The following PDE7A variants were observed in gnomAD, a reference collection of about 807,000 sequenced individuals.
The protein encoded by PDE7A is phosphodiesterase 7A, also known as high affinity 3',5'-cyclic-AMP phosphodiesterase 7A.
A neutral mutation model predicts 64.3 loss-of-function variants in PDE7A; 39 were observed. The ratio of observed to expected loss-of-function variants is 0.61; its 90% confidence interval spans 0.47 to 0.79. The LOEUF is 0.79. Ranked by LOEUF, PDE7A falls within the 30% of genes least tolerant of loss-of-function variation. PDE7A has a pLI of 0.00. For missense variants in PDE7A, 470 were observed against 582.8 expected (o/e 0.81, Z 1.99); for synonymous variants, 203 against 206.8 (o/e 0.98, Z 0.16).
chr8:65,796,712 C>G (rs1283730843), intron 1 of PDE7A, among the ~76,000 whole-genome samples: 1 of 151,990 alleles, frequency 6.6e-6, no homozygotes, highest in African/African-American at 2.4e-5. Flanking sequence ...TAAAGGACAT[C>G]TATTAAAAAA....
chr8:65,755,181 C>T (rs955471996), intron 3 of PDE7A, among the ~76,000 whole-genome samples: 11 of 151,406 alleles, frequency 7.3e-5, no homozygotes, highest in African/African-American at 9.7e-5. Flanking sequence ...CCACCACGCC[C>T]GGCTAATTTT....
rs1806127818 is a variant in PDE7A, at chr8:65,716,060, A to T, written c.*3230T>A. On this transcript the variant is annotated 3_prime_UTR_variant, in exon 13 of 13. Transcript: ENST00000401827. ...TGGTGTGGTGGCACTCAGGAGGCTGAGGTGGGAGGATTGCTTGAGCCTAGG... is the reference window on the plus strand; with the variant it reads ...TGGTGTGGTGGCACTCAGGAGGCTGTGGTGGGAGGATTGCTTGAGCCTAGG... Among the ~76,000 whole-genome samples the T allele has an allele frequency of 7.5e-6, 1 of 133,470 alleles. No individual in the cohort carries two copies. The highest frequency in any genetic ancestry group is 1.6e-5 in the Non-Finnish European group (1 of 63,664). The allele number at this position is 133,470 out of a possible 152,430, so 87.6% of individuals were successfully genotyped here.
At chr8:65,799,345 A>G (rs1181898124) in intron 1 of PDE7A, among the ~76,000 whole-genome samples, 1 of 152,160 alleles carries the variant, frequency 6.6e-6, no homozygotes, top group East Asian at 1.9e-4. Flanking sequence ...GAGGGTTGAG[A>G]CCACAGGAGT....
chr8:65,814,235 G>C (rs946877227), intron 1 of PDE7A, among the ~76,000 whole-genome samples: 8 of 152,150 alleles, frequency 5.3e-5, no homozygotes, highest in African/African-American at 1.7e-4. Context: ...CTTTCGGCCG[G>C]GCGCGGTGGC....
At chr8:65,784,799 G>T (rs1809502784) in intron 1 of PDE7A, among the ~76,000 whole-genome samples, 1 of 151,662 alleles carries the variant, frequency 6.6e-6, no homozygotes, top group African/African-American at 2.4e-5. Flanking sequence ...AAACAGGTAG[G>T]ACATAAATAT....
chr8:65,802,521 C>T (rs1329958780), intron 1 of PDE7A, among the ~76,000 whole-genome samples: 1 of 152,158 alleles, frequency 6.6e-6, no homozygotes, highest in Non-Finnish European at 1.5e-5. Flanking sequence ...TTTACTCTTC[C>T]TAACTACGGA....
At chr8:65,816,727 C>T (rs563724070) in intron 1 of PDE7A, among the ~76,000 whole-genome samples, 4 of 152,234 alleles carry the variant, frequency 2.6e-5, no homozygotes, top group African/African-American at 9.6e-5. Context: ...ATTGCTGATG[C>T]TTCCCTCTTG....
chr8:65,775,596 T>C (rs897490847), intron 3 of PDE7A, among the ~76,000 whole-genome samples: 1 of 152,238 alleles, frequency 6.6e-6, no homozygotes, highest in Non-Finnish European at 1.5e-5. Flanking sequence ...CTAGTATCAG[T>C]GATCCTACGT....
At position 65,740,762 on chromosome 8, in the gene PDE7A, A is replaced by G. The variant is rs923551101; in HGVS notation, c.500-1165T>C. ...CCTCCTCAGAGATATTCCTTGTTCTATCAGGTACAACTATCCCCACCCCAC... is the reference window on the plus strand; with the variant it reads ...CCTCCTCAGAGATATTCCTTGTTCTGTCAGGTACAACTATCCCCACCCCAC... On this transcript the variant is annotated intron_variant, in intron 5 of 12. Coordinates refer to ENST00000401827, the MANE Select transcript of PDE7A (RefSeq NM_001242318.3). Among the ~76,000 whole-genome samples, 6 of 152,210 alleles carry G rather than the reference A, an allele frequency of 3.9e-5. No homozygotes were observed. In the East Asian group the frequency reaches 1.2e-3, roughly 29 times the overall value.
chr8:65,729,726 CTTTT>C (rs34749293), intron 7 of PDE7A, among the ~76,000 whole-genome samples: 1 of 140,734 alleles, frequency 7.1e-6, no homozygotes, highest in Non-Finnish European at 1.6e-5. Flanking sequence ...CCATGCCTGA[CTTTT>C]TTTTTTTTTT....
chr8:65,729,136 GACA>G (rs1304846590), intron 7 of PDE7A, among the ~76,000 whole-genome samples: 2 of 151,780 alleles, frequency 1.3e-5, no homozygotes, highest in Non-Finnish European at 2.9e-5. Context: ...GTTAAGAGCT[GACA>G]ACAAAGAAAT....
intron 1 of PDE7A, among the ~76,000 whole-genome samples, chr8:65,783,943 A>G (rs1809483246): frequency 6.6e-6 from 1 of 152,228 alleles, no homozygotes; most frequent in African/African-American, 2.4e-5. Context: ...GTTTTCAGTC[A>G]CTGCTATATT....
Position 65,715,182 on chromosome 8 carries a change from A to T in PDE7A, c.*4108T>A, listed in dbSNP as rs1484827194. On this transcript the variant is annotated 3_prime_UTR_variant, in exon 13 of 13. Transcript: ENST00000401827. Reference sequence around the variant, plus strand: ...TTTTTAAAAAAGTAATCTTTTAAATATTTAACTGTTTCCTAAAATTTTTTA... The same window carrying T: ...TTTTTAAAAAAGTAATCTTTTAAATTTTTAACTGTTTCCTAAAATTTTTTA... Among the ~76,000 whole-genome samples, 1 of 152,274 alleles carries T rather than the reference A, an allele frequency of 6.6e-6. No homozygotes were observed. The highest frequency in any genetic ancestry group is 1.9e-4 in the East Asian group (1 of 5,182).
chr8:65,747,883 T>A, intron 3 of PDE7A, 80 bp from the exon 4 acceptor site: 1 of 729,144 alleles, frequency 1.4e-6, no homozygotes, highest in Non-Finnish European at 2.2e-6. Context: ...CTTTTAGTTA[T>A]GTACAAGTAT....
Position 65,739,504 on chromosome 8 carries a change from A to G in PDE7A, c.593T>C (p.Leu198Ser). The change falls in exon 6 of 13, where the codon TTA becomes TCA. Residue 198 changes from leucine to serine, a missense_variant and splice_region_variant. By Grantham distance (145) the Leu-to-Ser change is moderately radical. Coordinates refer to ENST00000401827, the MANE Select transcript of PDE7A (RefSeq NM_001242318.3). The part of the protein sequence containing the change: ...HLDMMKLRRF[L>S]VMIQEDYHSQ... ...GTTAATGGGTTAGAATCACTTACCTAAAAATCTACGAAGTTTCATCATATC... is the reference window on the plus strand; with the variant it reads ...GTTAATGGGTTAGAATCACTTACCTGAAAATCTACGAAGTTTCATCATATC... The G allele has an allele frequency of 5.1e-6, 8 of 1,554,846 alleles. No homozygotes were observed. The highest frequency in any genetic ancestry group is 6.9e-6 in the Non-Finnish European group (8 of 1,158,188).
In PDE7A at chr8:65,716,043, T is replaced by C. The variant is rs1274532554; in HGVS notation, c.*3247A>G. Among the ~76,000 whole-genome samples, 1 of 104,620 alleles carries C rather than the reference T, an allele frequency of 9.6e-6. No individual in the cohort carries two copies. Among genetic ancestry groups the C allele is most frequent in the Admixed American group, 1.1e-4 (1 of 9,124 alleles). 68.6% of individuals were successfully genotyped at this position (104,620 alleles called of 152,430 possible). ...AAAAAAAATTAGCTGGGTGGTGTGG[T>C]GGCACTCAGGAGGCTGAGGTGGGAG... On this transcript the variant is annotated 3_prime_UTR_variant, in exon 13 of 13. Coordinates refer to ENST00000401827, the MANE Select transcript of PDE7A (RefSeq NM_001242318.3).
intron 3 of PDE7A, among the ~76,000 whole-genome samples, chr8:65,753,049 T>C (rs1021919315): frequency 2.7e-4 from 41 of 152,226 alleles, no homozygotes; most frequent in Admixed American, 1.7e-3. Context: ...TTGTGCTTTA[T>C]GGTAAAGCTA....
chr8:65,768,197 A>G (rs1808893863), intron 3 of PDE7A, among the ~76,000 whole-genome samples: 1 of 152,250 alleles, frequency 6.6e-6, no homozygotes, highest in African/African-American at 2.4e-5. Context: ...TTTCCTACAC[A>G]GTGAGCATCC....
chr8:65,837,856 A>G (rs1424508171), intron 1 of PDE7A, among the ~76,000 whole-genome samples: 1 of 152,174 alleles, frequency 6.6e-6, no homozygotes, highest in Non-Finnish European at 1.5e-5. Flanking sequence ...AACAGCAACA[A>G]ATAATAGCAG....
Sources: gnomAD v4.1 joint callset for allele counts (sites outside exome capture counted in the v4.1 genomes callset) on GRCh38, gnomAD v4.1.1 for gene constraint, MANE v1.5 for transcripts, NCBI Gene and HGNC (gene_info 2026-07-23, HGNC 2026-07-21) for gene names.